The following HEATR5B variants were observed in gnomAD, a reference collection of about 807,000 sequenced individuals.
HEATR5B encodes HEAT repeat containing 5B.
Under a neutral mutation model 224.1 loss-of-function variants are expected in HEATR5B, and 156 were observed. That is an observed-to-expected ratio of 0.70 (90% CI 0.61 to 0.80). The LOEUF (loss-of-function observed/expected upper bound fraction) is 0.80, where lower values mean the gene tolerates loss of function less well. Among genes scored for constraint, HEATR5B ranks in the 30% least tolerant of loss-of-function variants. HEATR5B has a pLI of 0.00. For synonymous variants in HEATR5B, 1,027 were observed against 893.0 expected (o/e 1.15, Z -2.68); for missense variants, 2,323 against 2,535.5 (o/e 0.92, Z 1.80).
intron 35 of HEATR5B, among the ~76,000 whole-genome samples, chr2:36,984,245 G>A (rs1222029644): frequency 1.7e-5 from 2 of 119,016 alleles, no homozygotes; most frequent in Non-Finnish European, 3.4e-5. Flanking sequence ...TATAAAACTG[G>A]AAAAAATATA....
At chr2:37,039,760 T>C (rs1263377654) in intron 20 of HEATR5B, among the ~76,000 whole-genome samples, 2 of 152,218 alleles carry the variant, frequency 1.3e-5, no homozygotes, top group Non-Finnish European at 2.9e-5. Context: ...TAACCATTAG[T>C]AGAATTAGCT....
Position 36,981,797 on chromosome 2 carries a change from GTAAA to G in HEATR5B, c.5912-7_5912-4del. 1.3e-6 allele frequency: 2 copies of G among 1,584,538 alleles called. No individual in the cohort carries two copies. Among genetic ancestry groups the G allele is most frequent in the African/African-American group, 2.7e-5 (2 of 73,538 alleles). ...TAAAAGAGCAAGTAGCTGGACTCCT[GTAAA>G]TAATAAAGTATGAAAAAAGATCACA... is the stretch of plus-strand genomic sequence containing the variant. On this transcript the variant is annotated splice_region_variant and splice_polypyrimidine_tract_variant and intron_variant, in intron 35 of 35. Transcript: ENST00000233099.
rs1284652687 is a variant in HEATR5B at position 37,056,628 on chromosome 2, G to A, written c.2224-13C>T. On this transcript the variant is annotated splice_polypyrimidine_tract_variant and intron_variant, in intron 15 of 35. Transcript: ENST00000233099. ...TGTTTGGCTGGAGCTGCAAAAGAGT[G>A]AAATAAAAATTATTCAAAATCTACT... The A allele has an allele frequency of 2.5e-6, 4 of 1,569,986 alleles. No individual in the cohort carries two copies. The South Asian group carries it at 3.5e-5, about 14-fold the overall frequency.
At chr2:37,062,920 T>G (rs936888461) in intron 10 of HEATR5B, among the ~76,000 whole-genome samples, 3 of 152,202 alleles carry the variant, frequency 2.0e-5, no homozygotes, top group Admixed American at 6.5e-5. Flanking sequence ...CCTGAGTAGG[T>G]AGGACTACAA....
In HEATR5B at chr2:37,084,338, C is replaced by T. The variant is rs927581948; in HGVS notation, c.-92G>A. ...GCAGCCACCAAGAGACCCGGATGCCCCACCTCCCGCACTCCTACCTGCAGG... is the reference window on the plus strand; with the variant it reads ...GCAGCCACCAAGAGACCCGGATGCCTCACCTCCCGCACTCCTACCTGCAGG... On this transcript the variant is annotated 5_prime_UTR_variant, in exon 1 of 36. Coordinates refer to ENST00000233099, the MANE Select transcript of HEATR5B (RefSeq NM_019024.3). 2.3e-6 allele frequency: 1 copy of T among 427,438 alleles called. No homozygotes were observed. Among genetic ancestry groups the T allele is most frequent in the Non-Finnish European group, 3.9e-6 (1 of 253,248 alleles). 26.5% of individuals were successfully genotyped at this position (427,438 alleles called of 1,614,324 possible). A position where few individuals can be genotyped will look rare whatever the true frequency, so the allele number is the denominator to read the frequency against.
chr2:37,017,218 C>T (rs893116186), intron 26 of HEATR5B, among the ~76,000 whole-genome samples: 1 of 152,222 alleles, frequency 6.6e-6, no homozygotes, highest in Non-Finnish European at 1.5e-5. Flanking sequence ...AACCCCGTCT[C>T]TACCAAAAAT....
chr2:37,070,174 A>C (rs1392008776), intron 7 of HEATR5B, 56 bp downstream of exon 7: 1 of 1,553,028 alleles, frequency 6.4e-7, no homozygotes, highest in Non-Finnish European at 8.9e-7. Flanking sequence ...TGCTGGGATT[A>C]CAGGCGTGAG....
chr2:37,004,445 C>G (rs1025549064), intron 30 of HEATR5B, among the ~76,000 whole-genome samples: 1 of 151,430 alleles, frequency 6.6e-6, no homozygotes. Context: ...CATGTCCCCC[C>G]TGCACTATTC....
chr2:36,990,076 G>A (rs1448312812), intron 34 of HEATR5B, among the ~76,000 whole-genome samples: 2 of 151,454 alleles, frequency 1.3e-5, no homozygotes, highest in Non-Finnish European at 2.9e-5. Context: ...TATTTTTTTT[G>A]TATTTTTAGT....
chr2:36,993,245 T>C (rs888043577), intron 33 of HEATR5B, among the ~76,000 whole-genome samples: 6 of 151,488 alleles, frequency 4.0e-5, no homozygotes, highest in Non-Finnish European at 7.4e-5. Flanking sequence ...AAAAAAAAAA[T>C]TATGGGCCGG....
intron 33 of HEATR5B, among the ~76,000 whole-genome samples, chr2:36,992,928 A>T (rs1666433778): frequency 6.6e-6 from 1 of 151,846 alleles, no homozygotes. Flanking sequence ...GTCTTACCAT[A>T]TTGCCCAGGA....
At chr2:37,059,213 G>C (rs1671098481) in intron 12 of HEATR5B, among the ~76,000 whole-genome samples, 1 of 151,368 alleles carries the variant, frequency 6.6e-6, no homozygotes, top group Non-Finnish European at 1.5e-5. Flanking sequence ...GAAGGTACTG[G>C]TTAGAGAGAT....
chr2:37,027,896 G>A (rs1011686004), intron 24 of HEATR5B, 27 bp downstream of exon 24: 2 of 1,605,538 alleles, frequency 1.2e-6, no homozygotes, highest in Non-Finnish European at 1.7e-6. Context: ...AAATGCTTTG[G>A]GGAAAAAGTA....
intron 1 of HEATR5B, 110 bp downstream of exon 1, chr2:37,084,159 C>T (rs1278443964): frequency 4.5e-6 from 1 of 221,202 alleles, no homozygotes; most frequent in African/African-American, 2.3e-5. Flanking sequence ...AGCACGGAGC[C>T]AGAAAAGGGA....
intron 33 of HEATR5B, among the ~76,000 whole-genome samples, chr2:36,999,553 C>A (rs564027686): frequency 6.6e-6 from 1 of 151,954 alleles, no homozygotes; most frequent in African/African-American, 2.4e-5. Flanking sequence ...GTTGCGCACA[C>A]CTGTAGTCCC....
intron 20 of HEATR5B, among the ~76,000 whole-genome samples, chr2:37,039,108 C>CTTGAGGCCAGCAGT (rs1213110815): frequency 6.6e-6 from 1 of 150,972 alleles, no homozygotes; most frequent in Non-Finnish European, 1.5e-5. Context: ...GGGAGGATTG[C>CTTGAGGCCAGCAGT]TTGAGGCCAG....
At chr2:37,009,492 G>A (rs1000041110) in intron 27 of HEATR5B, among the ~76,000 whole-genome samples, 1 of 151,788 alleles carries the variant, frequency 6.6e-6, no homozygotes, top group Non-Finnish European at 1.5e-5. Flanking sequence ...CAGAAGGATC[G>A]CTTAAGCCCA....
chr2:37,069,045 G>T (rs1671755992), intron 7 of HEATR5B, 115 bp from the exon 8 acceptor site: 2 of 1,089,270 alleles, frequency 1.8e-6, no homozygotes, highest in East Asian at 5.2e-5. Context: ...TGTATTTGAG[G>T]CTAAAACAGA....
intron 21 of HEATR5B, among the ~76,000 whole-genome samples, chr2:37,035,929 A>G (rs1669448257): frequency 6.6e-6 from 1 of 152,186 alleles, no homozygotes; most frequent in South Asian, 2.1e-4. Flanking sequence ...TCAGGGAATT[A>G]CATTACTATA....
Sources: gnomAD v4.1 joint callset for allele counts (sites outside exome capture counted in the v4.1 genomes callset) on GRCh38, gnomAD v4.1.1 for gene constraint, MANE v1.5 for transcripts, NCBI Gene and HGNC (gene_info 2026-07-23, HGNC 2026-07-21) for gene names.